Variants in TIE1 observed in about 807,000 individuals in gnomAD.
TIE1 encodes the protein tyrosine-protein kinase receptor Tie-1.
In TIE1, 89 loss-of-function variants were observed where a neutral mutation model predicts 130.5. The ratio of observed to expected loss-of-function variants is 0.68; its 90% CI spans 0.57 to 0.81. The LOEUF is 0.81. Among genes scored for constraint, TIE1 ranks in the 40% least tolerant of loss-of-function variants. The pLI is 0.00. For synonymous variants in TIE1, 568 were observed against 629.4 expected, an observed-to-expected ratio of 0.90 and a Z score of 1.46; for missense variants, 1,392 against 1,559.8, an observed-to-expected ratio of 0.89 and a Z score of 1.81.
rs2153910563 is a variant in TIE1 at position 43,306,564 on chromosome 1, G to A, written c.485-276G>A. 6.6e-6 allele frequency among the ~76,000 whole-genome samples: 1 copy of A among 152,264 alleles called. No individual in the cohort carries two copies. The stretch of plus-strand genomic sequence containing the variant: ...GTGAGGCCCCTGGAGGCTAGGACCA[G>A]GGCAGTGGCAGTGGGTGTGGGGAGA... On this transcript the variant is annotated intron_variant, in intron 3 of 22. Coordinates refer to ENST00000372476, the MANE Select transcript of TIE1 (RefSeq NM_005424.5). This position sits in a 1 kb window ranked among gnomAD's most constrained non-coding sequence, Gnocchi z 4.9.
chr1:43,305,148 T>A lies in TIE1; in HGVS notation c.356T>A (p.Val119Glu). 6.2e-7 allele frequency: 1 copy of A among 1,613,966 alleles called. No individual in the cohort carries two copies. The highest frequency in any genetic ancestry group is 8.5e-7 in the Non-Finnish European group (1 of 1,179,936). Residue 119 changes from valine (V) to glutamate (E), a missense_variant, in exon 2 of 23, where the codon GTG becomes GAG. This residue lies in a region of TIE1 where 415 missense variants were observed against 424.8 expected (regional missense o/e 0.98). Transcript: ENST00000372476. ...GCGCGGCGCACGCGCGTCATCTACG[T>A]GCACAACAGCCCTGGAGGTGAGTTA... Reference protein sequence around the residue: ...AGARRTRVIYVHNSPGAHLLP... With the variant: ...AGARRTRVIYEHNSPGAHLLP...
At position 43,306,948 on chromosome 1, in the gene TIE1, T is replaced by C. The variant is rs1646734456; in HGVS notation, c.593T>C (p.Leu198Pro). The change falls in exon 4 of 23, where the codon CTG (leucine) becomes CCG (proline). Residue 198 changes from leucine to proline, a missense_variant. Transcript: ENST00000372476. This position sits in a 1 kb window ranked among gnomAD's most constrained non-coding sequence, Gnocchi z 4.9. ...PSSGIYSATYLEASPLGSAFF... is the reference protein window; with the variant it reads ...PSSGIYSATYPEASPLGSAFF... ...AGCGGCATCTACAGTGCCACTTACC[T>C]GGAAGCCAGCCCCCTGGGCAGCGCC... 6.2e-7 allele frequency: 1 copy of C among 1,614,030 alleles called. No individual in the cohort carries two copies. Among genetic ancestry groups the C allele is most frequent in the East Asian group, 2.2e-5 (1 of 44,872 alleles).
Position 43,301,227 on chromosome 1 carries a change from G to T in TIE1, c.58+98G>T. On this transcript the variant is annotated intron_variant, in intron 1 of 22. Coordinates refer to ENST00000372476, the MANE Select transcript of TIE1 (RefSeq NM_005424.5). The stretch of plus-strand genomic sequence containing the variant: ...TTATCATAGAGACAGAAAGTAGGAT[G>T]ATGGTTGCCATGGGCTGCAGGGAGG... 4.4e-6 allele frequency: 6 copies of T among 1,376,524 alleles called. 1 individual carries two copies. In the South Asian group the frequency reaches 8.4e-5, roughly 19 times the overall value. The allele number at this position is 1,376,524 out of a possible 1,614,324, so 85.3% of individuals were successfully genotyped here. A position where few individuals can be genotyped will look rare whatever the true frequency, so the allele number is the denominator to read the frequency against.
Position 43,306,893 on chromosome 1 carries a change from C to T in TIE1, c.538C>T (p.Leu180=). The change falls in exon 4 of 23, where the codon CTG becomes TTG. Residue 180 remains leucine, a synonymous_variant. Coordinates refer to ENST00000372476, the MANE Select transcript of TIE1 (RefSeq NM_005424.5). This position sits in a 1 kb window ranked among gnomAD's most constrained non-coding sequence, Gnocchi z 4.9. The stretch of plus-strand genomic sequence containing the variant: ...TGAAGCCCAGGATGGGCGGTTCCTG[C>T]TGCAGCTCCCAAATGTGCAGCCACC... ...WHEAQDGRFL[L]QLPNVQPPSS... is the part of the protein sequence containing the mutation. 1 of 1,614,034 alleles carries T rather than the reference C, an allele frequency of 6.2e-7. No homozygotes were observed. The highest frequency in any genetic ancestry group is 1.1e-5 in the South Asian group (1 of 91,076).
In TIE1 at chr1:43,309,505, A is replaced by G. The variant is rs757632937; in HGVS notation, c.1306A>G (p.Ser436Gly). The change falls in exon 9 of 23, where the codon AGC becomes GGC. Residue 436 changes from serine (S) to glycine (G), a missense_variant. This residue lies in a region of TIE1 where 551 missense variants were observed against 565.5 expected (regional missense o/e 0.97). Transcript: ENST00000372476. The surrounding 1 kb of genome is among the most constrained non-coding windows in gnomAD (Gnocchi z 6.3). Reference protein sequence around the residue: ...CRVSTSGGQDSRRFKVNVKVP... With the variant: ...CRVSTSGGQDGRRFKVNVKVP... The stretch of plus-strand genomic sequence containing the variant: ...TGTGTCCACATCTGGCGGCCAAGAC[A>G]GCCGGCGCTTCAAGGTCAATGTGAA... 1 of 1,597,812 alleles carries G rather than the reference A, an allele frequency of 6.3e-7. No individual in the cohort carries two copies. Among genetic ancestry groups the G allele is most frequent in the South Asian group, 1.1e-5 (1 of 88,176 alleles).
At position 43,313,644 on chromosome 1, in the gene TIE1, T is replaced by C; in HGVS notation, c.2219-134T>C. 8.9e-7 allele frequency: 1 copy of C among 1,122,464 alleles called. No individual in the cohort carries two copies. The highest frequency in any genetic ancestry group is 1.2e-6 in the Non-Finnish European group (1 of 805,754). The allele number at this position is 1,122,464 out of a possible 1,614,324, so 69.5% of individuals were successfully genotyped here. On this transcript the variant is annotated intron_variant, in intron 13 of 22. Coordinates refer to ENST00000372476, the MANE Select transcript of TIE1 (RefSeq NM_005424.5). The surrounding 1 kb of genome is among the most constrained non-coding windows in gnomAD (Gnocchi z 6.2). ...CCCTCTGACACCCCTCATCCCTTCCTTCATGTGGCCCAAGTGATTTCCTGA... is the reference window on the plus strand; with the variant it reads ...CCCTCTGACACCCCTCATCCCTTCCCTCATGTGGCCCAAGTGATTTCCTGA...
In TIE1 at chr1:43,309,470, G is replaced by A; in HGVS notation, c.1271G>A (p.Trp424Ter). Residue 424 changes from tryptophan (W) to a stop codon, truncating the protein, a stop_gained, in exon 9 of 23, where the codon TGG becomes TAG. Transcript: ENST00000372476. LOFTEE classifies it high-confidence loss of function. The surrounding 1 kb of genome is among the most constrained non-coding windows in gnomAD (Gnocchi z 6.3). Reference protein sequence around the residue: ...PRLVLADSGFWECRVSTSGGQ... With the variant: ...PRLVLADSGF ...TTGGTTCTTGCGGACAGTGGGTTCTGGGAGTGCCGTGTGTCCACATCTGGC... is the reference window on the plus strand; with the variant it reads ...TTGGTTCTTGCGGACAGTGGGTTCTAGGAGTGCCGTGTGTCCACATCTGGC... 6.2e-7 allele frequency: 1 copy of A among 1,611,478 alleles called. No individual in the cohort carries two copies. The highest frequency in any genetic ancestry group is 8.5e-7 in the Non-Finnish European group (1 of 1,178,902).
In TIE1 at chr1:43,307,028, G is replaced by GT. The variant is rs778612850; in HGVS notation, c.640+34dup. On this transcript the variant is annotated intron_variant, in intron 4 of 22. Transcript: ENST00000372476. The surrounding 1 kb of genome is among the most constrained non-coding windows in gnomAD (Gnocchi z 5.4). ...GCAGAGGGCAGAGGTTGTGGGTAGG[G>GT]TGGGAGGCTGGGAGCCCTATGGGTA... is the stretch of plus-strand genomic sequence containing the variant. 27 of 1,613,396 alleles carry GT rather than the reference G, an allele frequency of 1.7e-5. No homozygotes were observed. Among genetic ancestry groups the GT allele is most frequent in the Middle Eastern group, 3.3e-4 (2 of 6,080 alleles).
In TIE1 at chr1:43,317,687, C is replaced by T. The variant is rs780540386; in HGVS notation, c.2731+13C>T. Reference sequence around the variant, plus strand: ...TGTAAGAACCGAGGTGAGCCCCCAGCTCATCACCTACCCCTTCTTCCAAAC... The same window carrying T: ...TGTAAGAACCGAGGTGAGCCCCCAGTTCATCACCTACCCCTTCTTCCAAAC... On this transcript the variant is annotated intron_variant, in intron 16 of 22. Transcript: ENST00000372476. This position sits in a 1 kb window ranked among gnomAD's most constrained non-coding sequence, Gnocchi z 5.1. 6.4e-7 allele frequency: 1 copy of T among 1,557,692 alleles called. No homozygotes were observed. Among genetic ancestry groups the T allele is most frequent in the South Asian group, 1.2e-5 (1 of 82,072 alleles).
At chr1:43,311,935 A>G in intron 10 of TIE1, 59 bp from the exon 11 acceptor site, 1 of 1,563,856 alleles carries the variant, frequency 6.4e-7, no homozygotes, top group Non-Finnish European at 8.7e-7. Context: ...TGAAGGGAGC[A>G]TGGCAGCTTC....
chr1:43,303,856 C>T (rs749685532), intron 1 of TIE1, among the ~76,000 whole-genome samples: 3 of 152,164 alleles, frequency 2.0e-5, no homozygotes, highest in Non-Finnish European at 4.4e-5. Context: ...TCCCAGGAAG[C>T]ATCTCTTCAT....
Position 43,319,514 on chromosome 1 carries a change from C to T in TIE1, c.3092C>T (p.Thr1031Ile). ...AIESLNYSVY[T>I]TKSDVWSFGV... ...GAGTCCCTGAACTACAGTGTCTATA[C>T]CACCAAGAGTGATGTGTGAGTGTGA... is the stretch of plus-strand genomic sequence containing the variant. The change falls in exon 19 of 23, where the codon ACC (threonine) becomes ATC (isoleucine). Residue 1031 changes from threonine (T) to isoleucine (I), a missense_variant. Thr to Ile is a moderately conservative substitution (Grantham distance 89, BLOSUM62 -1). Coordinates refer to ENST00000372476, the MANE Select transcript of TIE1 (RefSeq NM_005424.5). The surrounding 1 kb of genome is among the most constrained non-coding windows in gnomAD (Gnocchi z 4.7). 6.2e-7 allele frequency: 1 copy of T among 1,614,030 alleles called. No homozygotes were observed. The highest frequency in any genetic ancestry group is 8.5e-7 in the Non-Finnish European group (1 of 1,179,980).
At position 43,322,896 on chromosome 1, in the gene TIE1, A is replaced by C; in HGVS notation, c.*174A>C. 1.7e-6 allele frequency: 1 copy of C among 604,402 alleles called. No homozygotes were observed. The highest frequency in any genetic ancestry group is 2.9e-6 in the Non-Finnish European group (1 of 341,590). The allele number at this position is 604,402 out of a possible 1,614,324, so 37.4% of individuals were successfully genotyped here. On this transcript the variant is annotated 3_prime_UTR_variant, in exon 23 of 23. Transcript: ENST00000372476. The surrounding 1 kb of genome is among the most constrained non-coding windows in gnomAD (Gnocchi z 4.0). The stretch of plus-strand genomic sequence containing the variant: ...GTGGGCTTAGGGGAACTGGGTTCCC[A>C]TGCTTTGTAGGTGTCTCATAGCTAT...
intron 1 of TIE1, 65 bp downstream of exon 1, chr1:43,301,194 A>G (rs866439137): frequency 6.4e-7 from 1 of 1,556,332 alleles, no homozygotes; most frequent in Admixed American, 1.8e-5. Flanking sequence ...TACCCAAGAA[A>G]CCCTATTTTA....
At chr1:43,321,362 C>T in intron 20 of TIE1, 34 bp from the exon 21 acceptor site, 1 of 1,613,736 alleles carries the variant, frequency 6.2e-7, no homozygotes, top group Non-Finnish European at 8.5e-7. Flanking sequence ...CCACGTGGAG[C>T]CCTGGACCGA....
chr1:43,305,112 G>A lies in TIE1; in HGVS notation c.320G>A (p.Gly107Asp). 6.2e-7 allele frequency: 1 copy of A among 1,613,472 alleles called. No homozygotes were observed. The highest frequency in any genetic ancestry group is 8.5e-7 in the Non-Finnish European group (1 of 1,179,712). Residue 107 changes from glycine (G) to aspartate (D), a missense_variant, in exon 2 of 23, where the codon GGC becomes GAC. Transcript: ENST00000372476. ...CTCGTGGGCGTCTTCTCCTGCGTGG[G>A]CGGTGCTGGGGCGCGGCGCACGCGC... ...SDLVGVFSCV[G>D]GAGARRTRVI...
Position 43,317,077 on chromosome 1 carries a change from C to T in TIE1, c.2410-122C>T, listed in dbSNP as rs1246190223. On this transcript the variant is annotated intron_variant, in intron 14 of 22. Coordinates refer to ENST00000372476, the MANE Select transcript of TIE1 (RefSeq NM_005424.5). The surrounding 1 kb of genome is among the most constrained non-coding windows in gnomAD (Gnocchi z 5.1). ...GTCCCTGGCTGACCACCAGGGTGCC[C>T]TCCATCTGGGTCTCTGCCCACTTGT... 6 of 998,654 alleles carry T rather than the reference C, an allele frequency of 6.0e-6. No homozygotes were observed. The highest frequency in any genetic ancestry group is 7.8e-6 in the Non-Finnish European group (5 of 640,926). The allele number at this position is 998,654 out of a possible 1,614,324, so 61.9% of individuals were successfully genotyped here.
In TIE1 at chr1:43,317,670, C is replaced by A; in HGVS notation, c.2727C>A (p.Asn909Lys). The change falls in exon 16 of 23, where the codon AAC becomes AAA. Residue 909 changes from asparagine to lysine, a missense_variant. By Grantham distance (94) the Asn-to-Lys change is moderately conservative. Transcript: ENST00000372476. The surrounding 1 kb of genome is among the most constrained non-coding windows in gnomAD (Gnocchi z 5.1). ...TCAACCTCCTGGGGGCCTGTAAGAACCGAGGTGAGCCCCCAGCTCATCACC... is the reference window on the plus strand; with the variant it reads ...TCAACCTCCTGGGGGCCTGTAAGAAACGAGGTGAGCCCCCAGCTCATCACC... Reference protein sequence around the residue: ...NIINLLGACKNRGYLYIAIEY... With the variant: ...NIINLLGACKKRGYLYIAIEY... 6.4e-7 allele frequency: 1 copy of A among 1,574,548 alleles called. No individual in the cohort carries two copies. The highest frequency in any genetic ancestry group is 1.2e-5 in the South Asian group (1 of 84,286).
At position 43,307,405 on chromosome 1, in the gene TIE1, C is replaced by T. The variant is rs1376541309; in HGVS notation, c.773-27C>T. 1 of 1,613,544 alleles carries T rather than the reference C, an allele frequency of 6.2e-7. No homozygotes were observed. The highest frequency in any genetic ancestry group is 1.7e-5 in the Admixed American group (1 of 59,998). On this transcript the variant is annotated intron_variant, in intron 5 of 22. Coordinates refer to ENST00000372476, the MANE Select transcript of TIE1 (RefSeq NM_005424.5). This position sits in a 1 kb window ranked among gnomAD's most constrained non-coding sequence, Gnocchi z 5.4. Reference sequence around the variant, plus strand: ...CTGGGCCCAGGGGCCCACAGAGGCCCATACACCCCACACACTCTCTTTCTA... The same window carrying T: ...CTGGGCCCAGGGGCCCACAGAGGCCTATACACCCCACACACTCTCTTTCTA...
Sources: allele counts gnomAD v4.1 joint callset (sites outside exome capture counted in the v4.1 genomes callset), GRCh38; gene constraint gnomAD v4.1.1; regional missense constraint gnomAD v4.1.1; non-coding constraint Gnocchi (gnomAD v3.1); transcripts MANE v1.5; gene names NCBI Gene and HGNC (gene_info 2026-07-23, HGNC 2026-07-21).